The following HDAC9 variants were observed in gnomAD, a reference collection of about 807,000 sequenced individuals.
HDAC9 encodes MEF-2 interacting transcription repressor (MITR) protein.
A neutral mutation model predicts 139.4 loss-of-function variants in HDAC9; 41 were observed. The ratio of observed to expected loss-of-function variants is 0.29; its 90% CI spans 0.23 to 0.38. The LOEUF is 0.38. Ranked by LOEUF, HDAC9 falls within the 10% of genes least tolerant of loss-of-function variation. The pLI is 1.00. For synonymous variants in HDAC9, 517 were observed against 476.2 expected (o/e 1.09, Z -1.12); for missense variants, 1,147 against 1,297.0 (o/e 0.88, Z 1.78).
intron 2 of HDAC9, among the ~76,000 whole-genome samples, chr7:18,256,463 G>C (rs1795250960): frequency 1.3e-5 from 2 of 152,118 alleles, no homozygotes; most frequent in Admixed American, 1.3e-4. Flanking sequence ...GAAATTGATG[G>C]TGTATTATCA....
chr7:18,554,921 G>A (rs1716948724), intron 2 of HDAC9, among the ~76,000 whole-genome samples: 1 of 152,084 alleles, frequency 6.6e-6, no homozygotes, highest in Non-Finnish European at 1.5e-5. Context: ...GCTTCTATGT[G>A]TATATTGCAG....
intron 12 of HDAC9, among the ~76,000 whole-genome samples, chr7:18,702,281 T>C (rs1382215599): frequency 1.3e-5 from 2 of 152,174 alleles, no homozygotes; most frequent in East Asian, 1.9e-4. Context: ...CTGCCTCTAG[T>C]GCTTATTATC....
At chr7:18,257,444 A>G (rs891700541) in intron 2 of HDAC9, among the ~76,000 whole-genome samples, 4 of 147,636 alleles carry the variant, frequency 2.7e-5, no homozygotes, top group African/African-American at 1.0e-4. Context: ...CACAAAAAGA[A>G]AAAAAGAAAA....
At chr7:18,280,442 G>A (rs983192133) in intron 2 of HDAC9, among the ~76,000 whole-genome samples, 2 of 152,032 alleles carry the variant, frequency 1.3e-5, no homozygotes, top group Non-Finnish European at 2.9e-5. Context: ...ACAAAAATTA[G>A]CTGGGCATGA....
intron 1 of HDAC9, among the ~76,000 whole-genome samples, chr7:18,444,540 A>C (rs1224397809): frequency 1.3e-5 from 2 of 152,022 alleles, no homozygotes; most frequent in African/African-American, 2.4e-5. Flanking sequence ...TTAAATGGCT[A>C]TTTCCAAATA....
chr7:18,740,381 T>A (rs573290310), intron 13 of HDAC9, among the ~76,000 whole-genome samples: 68 of 152,300 alleles, frequency 4.5e-4, no homozygotes, highest in African/African-American at 1.6e-3. Context: ...ACCAGAGCTG[T>A]TCCCATTTGG....
intron 2 of HDAC9, among the ~76,000 whole-genome samples, chr7:18,180,740 A>G (rs961869248): frequency 7.9e-5 from 12 of 152,204 alleles, no homozygotes; most frequent in African/African-American, 2.9e-4. Context: ...GCTGTAACAA[A>G]TTACCACAAA....
At chr7:18,991,655 A>G (rs914530345) in intron 25 of HDAC9, among the ~76,000 whole-genome samples, 3 of 151,652 alleles carry the variant, frequency 2.0e-5, no homozygotes, top group African/African-American at 7.3e-5. Context: ...AAAAAAAAAA[A>G]GAAGTCATCA....
intron 17 of HDAC9, among the ~76,000 whole-genome samples, chr7:18,821,524 A>G (rs2588633): frequency 0.81 from 123,257 of 152,186 alleles, 50,618 homozygotes; most frequent in African/African-American, 0.95. Flanking sequence ...ATGAATGGTG[A>G]TACAAAATAA....
At chr7:18,359,985 A>G (rs1455057497) in intron 1 of HDAC9, among the ~76,000 whole-genome samples, 1 of 152,110 alleles carries the variant, frequency 6.6e-6, no homozygotes, top group Non-Finnish European at 1.5e-5. Context: ...GCTCCTGCTG[A>G]CACCACCTTC....
At chr7:18,572,582 G>A (rs193180215) in intron 2 of HDAC9, among the ~76,000 whole-genome samples, 544 of 151,980 alleles carry the variant, frequency 3.6e-3, no homozygotes, top group African/African-American at 0.01. Flanking sequence ...ATTAGATCTG[G>A]CCACAGAAGT....
rs558128795 is a variant in HDAC9, at chr7:18,145,002, A to T, written c.-96-17227A>T. On this transcript the variant is annotated intron_variant, in intron 1 of 12. Transcript: ENST00000417496. ...CAGCTTGTCATCACCGACTCTGGGA[A>T]CACTCCCTAGCCACAAAGACTTAAG... 4.6e-5 allele frequency among the ~76,000 whole-genome samples: 7 copies of T among 152,306 alleles called. No homozygotes were observed. The East Asian group carries it at 1.2e-3, about 25-fold the overall frequency.
intron 1 of HDAC9, among the ~76,000 whole-genome samples, chr7:18,141,640 A>C (rs375528796): frequency 6.6e-6 from 1 of 152,078 alleles, no homozygotes; most frequent in African/African-American, 2.4e-5. Context: ...TTCTGATGCA[A>C]TGTCCGTGGG....
intron 1 of HDAC9, among the ~76,000 whole-genome samples, chr7:18,419,621 T>A (rs78609078): frequency 0.029 from 4,407 of 152,312 alleles, 74 homozygotes; most frequent in African/African-American, 0.047. Context: ...CAGAACTCTT[T>A]ATTTAAAGGG....
At chr7:18,492,236 C>G (rs956043499), upstream of HDAC9, among the ~76,000 whole-genome samples, 1 of 151,878 alleles carries the variant, frequency 6.6e-6, no homozygotes, top group Non-Finnish European at 1.5e-5. Context: ...GATTTTGTAT[C>G]TTTTCAGATT....
chr7:18,621,682 T>C (rs141506368), intron 6 of HDAC9, among the ~76,000 whole-genome samples: 2 of 152,290 alleles, frequency 1.3e-5, no homozygotes, highest in Non-Finnish European at 2.9e-5. Flanking sequence ...ACATTAGAAA[T>C]TTTGCTCCTT....
intron 1 of HDAC9, among the ~76,000 whole-genome samples, chr7:18,369,700 A>G (rs1279269226): frequency 6.6e-6 from 1 of 152,024 alleles, no homozygotes; most frequent in African/African-American, 2.4e-5. Flanking sequence ...GTTTTTCTAT[A>G]TGTCAGAAAC....
At chr7:18,173,955 G>A (rs752274480) in intron 2 of HDAC9, among the ~76,000 whole-genome samples, 1 of 152,134 alleles carries the variant, frequency 6.6e-6, no homozygotes, top group African/African-American at 2.4e-5. Flanking sequence ...GAGTATCTTT[G>A]TGATGTTCTC....
chr7:18,596,666 G>A (rs111509555), intron 6 of HDAC9, among the ~76,000 whole-genome samples: 1,603 of 152,148 alleles, frequency 0.011, 22 homozygotes, highest in African/African-American at 0.036. Context: ...ATTGATCATA[G>A]AGTGTAAACA....
Sources: gnomAD v4.1 joint callset for allele counts (sites outside exome capture counted in the v4.1 genomes callset) on GRCh38, gnomAD v4.1.1 for gene constraint, MANE v1.5 for transcripts, NCBI Gene and HGNC (gene_info 2026-07-23, HGNC 2026-07-21) for gene names.